The following FHIP1B variants were observed in gnomAD, a reference collection of about 807,000 sequenced individuals.
FHIP1B encodes the protein FHF complex subunit HOOK-interacting protein 1B.
FHIP1B carries 28 observed loss-of-function variants against 82.2 expected under a neutral mutation model. The ratio of observed to expected loss-of-function variants is 0.34; its 90% confidence interval spans 0.25 to 0.47. The LOEUF (loss-of-function observed/expected upper bound fraction) is 0.47, where lower values mean the gene tolerates loss of function less well. FHIP1B is among the 20% of genes least tolerant of loss of function. FHIP1B has a pLI of 1.00. For missense variants in FHIP1B, 1,110 were observed against 1,262.6 expected, an observed-to-expected ratio of 0.88 and a Z score of 1.83; for synonymous variants, 585 against 516.1, an observed-to-expected ratio of 1.13 and a Z score of -1.81.
intron 2 of FHIP1B, 60 bp downstream of exon 2, chr11:6,224,319 A>G: frequency 6.2e-7 from 1 of 1,614,184 alleles, no homozygotes; most frequent in Non-Finnish European, 8.5e-7. Flanking sequence ...AGGAGAATAT[A>G]GAAGGCTGGG....
intron 11 of FHIP1B, chr11:6,212,101 A>C: frequency 2.9e-6 from 1 of 344,632 alleles, no homozygotes; most frequent in Non-Finnish European, 4.1e-6. Context: ...AACACCAAAA[A>C]TACTGCCTGC....
In FHIP1B at chr11:6,224,593, GTC is replaced by G. The variant is rs1847512853; in HGVS notation, c.-79_-78del. The G allele has an allele frequency of 1.4e-6, 2 of 1,461,088 alleles. No individual in the cohort carries two copies. Among genetic ancestry groups the G allele is most frequent in the Admixed American group, 4.6e-5 (2 of 43,516 alleles). The allele number at this position is 1,461,088 out of a possible 1,614,324, so 90.5% of individuals were successfully genotyped here. ...CCAGCTGGAGGTTTTCTCCACTTGT[GTC>G]TCCAGTCTGCTTCATCCGGTCTGTA... On this transcript the variant is annotated 5_prime_UTR_variant, in exon 2 of 12. Coordinates refer to ENST00000449352, the MANE Select transcript of FHIP1B (RefSeq NM_001098794.2).
Position 6,214,741 on chromosome 11 carries a change from G to A in FHIP1B, c.2386C>T (p.Leu796=). 3 of 1,577,648 alleles carry A rather than the reference G, an allele frequency of 1.9e-6. No homozygotes were observed. The highest frequency in any genetic ancestry group is 1.2e-5 in the South Asian group (1 of 86,414). The part of the protein sequence containing the change: ...NMVFQPSVKS[L]LQVLGSVKNK... ...ATGCATGCATCGCACACCTGCAGCA[G>A]GGACTTGACACTGGGCTGGAAGACC... Residue 796 remains leucine, a synonymous_variant, in exon 10 of 12, where the codon CTG becomes TTG. Coordinates refer to ENST00000449352, the MANE Select transcript of FHIP1B (RefSeq NM_001098794.2).
At chr11:6,222,127 CA>C (rs1847425733) in intron 6 of FHIP1B, among the ~76,000 whole-genome samples, 1 of 152,144 alleles carries the variant, frequency 6.6e-6, no homozygotes, top group African/African-American at 2.4e-5. Context: ...GAGTGATAAA[CA>C]GTTTAAGAGA....
intron 11 of FHIP1B, among the ~76,000 whole-genome samples, chr11:6,213,861 T>C (rs1369165819): frequency 4.0e-5 from 6 of 151,894 alleles, no homozygotes; most frequent in Non-Finnish European, 8.8e-5. Context: ...TGAGCTAACA[T>C]ACTAATCTCT....
chr11:6,220,519 C>T (rs1486028860), intron 6 of FHIP1B, among the ~76,000 whole-genome samples: 1 of 152,178 alleles, frequency 6.6e-6, no homozygotes, highest in African/African-American at 2.4e-5. Flanking sequence ...CAAAATTAGT[C>T]ACTTCAAGGC....
chr11:6,216,811 A>G (rs1429369914), intron 9 of FHIP1B: 4 of 540,634 alleles, frequency 7.4e-6, no homozygotes, highest in South Asian at 2.2e-5. Flanking sequence ...GGTACAAGGA[A>G]AGCGAACAGG....
At position 6,217,583 on chromosome 11, in the gene FHIP1B, A is replaced by G; in HGVS notation, c.2003T>C (p.Met668Thr). Residue 668 changes from methionine (M) to threonine (T), a missense_variant, in exon 9 of 12, where the codon ATG (methionine) becomes ACG (threonine). Coordinates refer to ENST00000449352, the MANE Select transcript of FHIP1B (RefSeq NM_001098794.2). ...CTGCCCAAAGCCCTCTAGTCCTGCC[A>G]TGCCCTCGGAGATGCCCTCTAGCAG... ...GELLEGISEG[M>T]AGLEGFGQEL... The G allele has an allele frequency of 6.2e-7, 1 of 1,612,534 alleles. No homozygotes were observed. Among genetic ancestry groups the G allele is most frequent in the South Asian group, 1.1e-5 (1 of 90,864 alleles).
At chr11:6,216,391 G>A (rs1287770753) in intron 9 of FHIP1B, among the ~76,000 whole-genome samples, 1 of 152,248 alleles carries the variant, frequency 6.6e-6, no homozygotes, top group Non-Finnish European at 1.5e-5. Context: ...CTAGTGAAAA[G>A]CTACCACTTG....
intron 1 of FHIP1B, among the ~76,000 whole-genome samples, chr11:6,225,583 C>T (rs1847541154): frequency 6.6e-6 from 1 of 152,106 alleles, no homozygotes; most frequent in Non-Finnish European, 1.5e-5. Flanking sequence ...ATCCCCAGGG[C>T]CTAGGGACTC....
chr11:6,219,350 C>T (rs917075717), intron 6 of FHIP1B, among the ~76,000 whole-genome samples: 7 of 152,162 alleles, frequency 4.6e-5, no homozygotes, highest in Non-Finnish European at 8.8e-5. Context: ...AACACTTGAA[C>T]GAAAATCCAT....
At chr11:6,222,714 G>A in intron 5 of FHIP1B, 97 bp downstream of exon 5, 1 of 1,552,528 alleles carries the variant, frequency 6.4e-7, no homozygotes, top group East Asian at 2.2e-5. Flanking sequence ...GGGCAAAAGG[G>A]AGGAGTACTC....
At position 6,218,248 on chromosome 11, in the gene FHIP1B, C is replaced by A. The variant is rs1847305297; in HGVS notation, c.1436-98G>T. 4.1e-6 allele frequency: 6 copies of A among 1,448,072 alleles called. No homozygotes were observed. In the South Asian group the frequency reaches 4.4e-5, roughly 11 times the overall value. The allele number at this position is 1,448,072 out of a possible 1,614,324, so 89.7% of individuals were successfully genotyped here. Reference sequence around the variant, plus strand: ...ACTAAGAAAGAAGACAATGGGGAGGCAGAAACATGGAATCTATTCAGACAG... The same window carrying A: ...ACTAAGAAAGAAGACAATGGGGAGGAAGAAACATGGAATCTATTCAGACAG... On this transcript the variant is annotated intron_variant, in intron 8 of 11. Transcript: ENST00000449352.
chr11:6,222,445 G>A lies in FHIP1B; in HGVS notation c.1188C>T (p.Ser396=), dbSNP rs1213278869. The change falls in exon 6 of 12, where the codon TCC becomes TCT. Residue 396 remains serine, a synonymous_variant. Coordinates refer to ENST00000449352, the MANE Select transcript of FHIP1B (RefSeq NM_001098794.2). ...AGGACAGGGGTAAGGGCCATACCCG[G>A]GAGTTACTGCCAATACGAGCAACGA... ...DTLVARIGSN[S]RLCMVSLSLF... The A allele has an allele frequency of 1.2e-6, 2 of 1,613,814 alleles. No individual in the cohort carries two copies. The highest frequency in any genetic ancestry group is 1.7e-6 in the Non-Finnish European group (2 of 1,180,016).
chr11:6,218,745 G>C lies in FHIP1B; in HGVS notation c.1290C>G (p.Asn430Lys), dbSNP rs899412933. The C allele has an allele frequency of 6.2e-7, 1 of 1,614,016 alleles. No homozygotes were observed. Among genetic ancestry groups the C allele is most frequent in the African/African-American group, 1.3e-5 (1 of 74,886 alleles). ...QLVLRYLVPC[N>K]HVMLSQKPAV... ...CCGGCTTCTGGCTCAGCATAACGTG[G>C]TTACATGGAACAAGATACCTGAGAA... Residue 430 changes from asparagine to lysine, a missense_variant, in exon 8 of 12, where the codon AAC (asparagine) becomes AAG (lysine). Asn to Lys is a moderately conservative substitution (Grantham distance 94). Around this residue, in one of 6 missense-constraint regions of FHIP1B, gnomAD observed 467 missense variants for 602.9 expected, o/e 0.77. Transcript: ENST00000449352.
chr11:6,232,352 C>T (rs888054447), intron 1 of FHIP1B, among the ~76,000 whole-genome samples: 5 of 152,202 alleles, frequency 3.3e-5, no homozygotes, highest in African/African-American at 9.6e-5. Flanking sequence ...ATTATATATA[C>T]CTGTTCCAAT....
chr11:6,222,964 G>A, intron 4 of FHIP1B, 67 bp from the exon 5 acceptor site: 1 of 1,580,022 alleles, frequency 6.3e-7, no homozygotes, highest in African/African-American at 1.3e-5. Context: ...GAGTAGAATA[G>A]TACACTACAG....
At chr11:6,216,989 A>G in intron 9 of FHIP1B, 1 of 661,426 alleles carries the variant, frequency 1.5e-6, no homozygotes, top group Non-Finnish European at 2.7e-6. Context: ...GTGCCTCTCC[A>G]TACAGGACAG....
chr11:6,220,025 G>C (rs192598114), intron 6 of FHIP1B, among the ~76,000 whole-genome samples: 2 of 152,226 alleles, frequency 1.3e-5, no homozygotes, highest in Admixed American at 6.5e-5. Flanking sequence ...GTAGTAAGTG[G>C]GTAGAAAAGT....
Sources: allele counts gnomAD v4.1 joint callset (sites outside exome capture counted in the v4.1 genomes callset), GRCh38; gene constraint gnomAD v4.1.1; regional missense constraint gnomAD v4.1.1; transcripts MANE v1.5; gene names NCBI Gene and HGNC (gene_info 2026-07-23, HGNC 2026-07-21).